DISC1: variants seen among roughly 807,000 people sequenced by gnomAD.
The protein encoded by DISC1 is disrupted in schizophrenia 1 protein.
A neutral mutation model predicts 84.5 loss-of-function variants in DISC1; 57 were observed. The ratio of observed to expected loss-of-function variants is 0.67; its 90% CI spans 0.55 to 0.84. The LOEUF (loss-of-function observed/expected upper bound fraction) is 0.84, where lower values mean the gene tolerates loss of function less well. DISC1 is among the 40% of genes least tolerant of loss of function. The pLI is 0.00. For missense variants in DISC1, 1,000 were observed against 1,057.8 expected (o/e 0.95, Z 0.76); for synonymous variants, 411 against 415.2 (o/e 0.99, Z 0.12).
At chr1:231,934,150 G>C (rs928100) in intron 9 of DISC1, among the ~76,000 whole-genome samples, 18,808 of 152,180 alleles carry the variant, frequency 0.12, 1,633 homozygotes, top group East Asian at 0.4. Flanking sequence ...GCAGGAAAAG[G>C]GGGGTGACCG....
At chr1:231,713,217 G>T (rs2068104596) in intron 3 of DISC1, among the ~76,000 whole-genome samples, 1 of 152,138 alleles carries the variant, frequency 6.6e-6, no homozygotes, top group Non-Finnish European at 1.5e-5. Context: ...TAATATTTAA[G>T]TGCCCAATGT....
chr1:231,953,186 G>A (rs1011077465), intron 9 of DISC1, among the ~76,000 whole-genome samples: 4 of 152,218 alleles, frequency 2.6e-5, no homozygotes, highest in Non-Finnish European at 4.4e-5. Context: ...TAAAATGGTA[G>A]CTAAATTGAT....
intron 7 of DISC1, among the ~76,000 whole-genome samples, chr1:231,796,073 G>A (rs951744657): frequency 1.3e-5 from 2 of 152,100 alleles, no homozygotes; most frequent in African/African-American, 4.8e-5. Flanking sequence ...TACTGCCATA[G>A]CAAGACCTTG....
chr1:231,684,346 A>T (rs2064004021), intron 1 of DISC1, among the ~76,000 whole-genome samples: 1 of 152,098 alleles, frequency 6.6e-6, no homozygotes, highest in Non-Finnish European at 1.5e-5. Context: ...TAAAAACTGT[A>T]TTTATATATA....
intron 3 of DISC1, chr1:231,745,520 C>A: frequency 1.0e-5 from 2 of 192,822 alleles, no homozygotes; most frequent in Non-Finnish European, 2.3e-5. Context: ...CCGCGCTCAG[C>A]CTAAACATTC....
chr1:231,832,539 A>AAG (rs2082314132), intron 9 of DISC1, among the ~76,000 whole-genome samples: 1 of 150,882 alleles, frequency 6.6e-6, no homozygotes, highest in African/African-American at 2.4e-5. Flanking sequence ...TGAAATTTGG[A>AAG]CTTGACTGAA....
At chr1:231,638,635 C>T (rs1392644234) in intron 1 of DISC1, among the ~76,000 whole-genome samples, 1 of 152,124 alleles carries the variant, frequency 6.6e-6, no homozygotes, top group African/African-American at 2.4e-5. Flanking sequence ...TCAATGTTGT[C>T]AAAGATCAGT....
chr1:231,905,530 G>C (rs1171980472), intron 9 of DISC1, among the ~76,000 whole-genome samples: 1 of 152,072 alleles, frequency 6.6e-6, no homozygotes, highest in Admixed American at 6.5e-5. Flanking sequence ...GCTGAGGTGG[G>C]AGGATTGCTT....
Position 231,694,024 on chromosome 1 carries a change from A to C in DISC1, c.266A>C (p.Asp89Ala), listed in dbSNP as rs1558347797. Residue 89 changes from aspartate (D) to alanine (A), a missense_variant, in exon 2 of 13, where the codon GAC (aspartate) becomes GCC (alanine). This residue lies in a region of DISC1 where 292 missense variants were observed against 280.2 expected (regional missense o/e 1.04). Transcript: ENST00000439617. Reference protein sequence around the residue: ...SESRARQCGLDSRGLLVRSPV... With the variant: ...SESRARQCGLASRGLLVRSPV... ...TCCAGGGCCAGACAGTGTGGCCTTG[A>C]CTCGAGAGGCCTCTTGGTCCGGAGC... 1.2e-6 allele frequency: 2 copies of C among 1,613,852 alleles called. No homozygotes were observed. Among genetic ancestry groups the C allele is most frequent in the Non-Finnish European group, 1.7e-6 (2 of 1,179,950 alleles).
At chr1:231,840,216 G>C (rs78239450) in intron 9 of DISC1, among the ~76,000 whole-genome samples, 1,567 of 152,274 alleles carry the variant, frequency 0.01, 16 homozygotes, top group Middle Eastern at 0.024. Flanking sequence ...GGGGTTGTAA[G>C]AGTAGAGCCA....
At chr1:231,969,186 GTTTTTTT>G (rs71573149) in intron 10 of DISC1, among the ~76,000 whole-genome samples, 1 of 91,654 alleles carries the variant, frequency 1.1e-5, no homozygotes, top group African/African-American at 4.3e-5. Flanking sequence ...ACACTCAGCG[GTTTTTTT>G]TTTTTTTTTT....
intron 9 of DISC1, among the ~76,000 whole-genome samples, chr1:231,949,147 C>T (rs569640566): frequency 6.8e-4 from 103 of 152,242 alleles, no homozygotes; most frequent in Admixed American, 1.1e-3. Context: ...GGATTACAGG[C>T]GTGAGCCACC....
intron 10 of DISC1, among the ~76,000 whole-genome samples, chr1:232,002,595 G>GCACACACACACACACACACA (rs55740228): frequency 1.4e-5 from 2 of 143,626 alleles, no homozygotes; most frequent in African/African-American, 2.6e-5. Flanking sequence ...ATTATGCTGA[G>GCACACACACACACACACACA]CACACACACA....
At chr1:231,636,858 A>G (rs894535245) in intron 1 of DISC1, among the ~76,000 whole-genome samples, 2 of 152,174 alleles carry the variant, frequency 1.3e-5, no homozygotes, top group African/African-American at 4.8e-5. Context: ...ACATAGGTAT[A>G]CATGTGCCAT....
chr1:231,918,334 TAC>T (rs2089776883), intron 9 of DISC1, among the ~76,000 whole-genome samples: 1 of 152,222 alleles, frequency 6.6e-6, no homozygotes, highest in African/African-American at 2.4e-5. Context: ...CATGTGAGAT[TAC>T]AGAGGATAGA....
At chr1:231,833,191 C>T (rs188279430) in intron 9 of DISC1, among the ~76,000 whole-genome samples, 1 of 150,624 alleles carries the variant, frequency 6.6e-6, no homozygotes, top group Admixed American at 6.6e-5. Context: ...AATAAGGGAA[C>T]TGGACAGGTG....
At chr1:231,738,974 TGCCTCAGCCCTG>T (rs2072892848) in intron 3 of DISC1, among the ~76,000 whole-genome samples, 1 of 152,232 alleles carries the variant, frequency 6.6e-6, no homozygotes, top group Non-Finnish European at 1.5e-5. Flanking sequence ...GTACTGCCCC[TGCCTCAGCCCTG>T]GCCTCAGCCA....
intron 8 of DISC1, among the ~76,000 whole-genome samples, chr1:231,809,751 G>T (rs942137732): frequency 6.6e-6 from 1 of 152,054 alleles, no homozygotes; most frequent in Non-Finnish European, 1.5e-5. Context: ...AATAATGAAA[G>T]TAGTTTTTTC....
intron 9 of DISC1, among the ~76,000 whole-genome samples, chr1:231,937,969 C>T (rs993646677): frequency 2.0e-5 from 3 of 152,062 alleles, no homozygotes; most frequent in Admixed American, 6.5e-5. Context: ...TAGACATCTC[C>T]TCCCGGGGGT....
Sources: gnomAD v4.1 joint callset for allele counts (sites outside exome capture counted in the v4.1 genomes callset) on GRCh38, gnomAD v4.1.1 for gene constraint, gnomAD v4.1.1 regional missense constraint, MANE v1.5 for transcripts, NCBI Gene and HGNC (gene_info 2026-07-23, HGNC 2026-07-21) for gene names.